RYK: variants seen among roughly 807,000 people sequenced by gnomAD.
RYK encodes the protein inactive tyrosine-protein kinase RYK.
A neutral mutation model predicts 70.2 loss-of-function variants in RYK; 21 were observed. The ratio of observed to expected loss-of-function variants is 0.30; its 90% confidence interval spans 0.21 to 0.43. The LOEUF is 0.43. RYK is among the 20% of genes least tolerant of loss of function. The probability of loss-of-function intolerance (pLI) is 1.00; values close to 1 mark genes in which losing one functional copy is unlikely to be tolerated. For missense variants in RYK, 604 were observed against 753.3 expected (o/e 0.80, Z 2.32); for synonymous variants, 267 against 278.0 (o/e 0.96, Z 0.39).
At chr3:134,168,968 T>C (rs1040380946) in intron 13 of RYK, among the ~76,000 whole-genome samples, 4 of 152,178 alleles carry the variant, frequency 2.6e-5, no homozygotes, top group Admixed American at 1.3e-4. Context: ...GAGTCATACG[T>C]AGCAATGTGC....
rs2107688429 is a variant in RYK at position 134,227,582 on chromosome 3, A to C, written c.233-5043T>G. Among the ~76,000 whole-genome samples, 2 of 152,182 alleles carry C rather than the reference A, an allele frequency of 1.3e-5. 1 individual carries two copies. The highest frequency in any genetic ancestry group is 4.1e-4 in the South Asian group (2 of 4,820). ...TAAAATGAAAATTAAAACCACAATG[A>C]GATACCACCTCATTCCTGTTAGGAC... On this transcript the variant is annotated intron_variant, in intron 1 of 14. Transcript: ENST00000623711.
chr3:134,211,639 C>T (rs933792757), intron 2 of RYK, 32 bp from the exon 3 acceptor site: 1 of 1,439,888 alleles, frequency 6.9e-7, no homozygotes. Context: ...ACAAAATGGA[C>T]CTGTGATAAC....
At chr3:134,227,837 TTTTG>T (rs1466084805) in intron 1 of RYK, among the ~76,000 whole-genome samples, 1 of 152,036 alleles carries the variant, frequency 6.6e-6, no homozygotes, top group Admixed American at 6.6e-5. Context: ...GCCCAGCTAA[TTTTG>T]TTTTTGTATT....
At chr3:134,234,498 TA>T (rs1179672838) in intron 1 of RYK, among the ~76,000 whole-genome samples, 2 of 152,004 alleles carry the variant, frequency 1.3e-5, no homozygotes, top group African/African-American at 4.8e-5. Flanking sequence ...GGGACTGAAA[TA>T]AAATTATTGG....
At chr3:134,187,708 C>T (rs181238996) in intron 9 of RYK, among the ~76,000 whole-genome samples, 1 of 151,676 alleles carries the variant, frequency 6.6e-6, no homozygotes, top group East Asian at 1.9e-4. Flanking sequence ...GTATATGCTA[C>T]CACACCCAGC....
chr3:134,226,514 T>G lies in RYK; in HGVS notation c.233-3975A>C, dbSNP rs575243635. ...TCTGATGAGGCCAGCAGCATCATATTGATACAAAAAACTTACTAAAACATA... is the reference window on the plus strand; with the variant it reads ...TCTGATGAGGCCAGCAGCATCATATGGATACAAAAAACTTACTAAAACATA... On this transcript the variant is annotated intron_variant, in intron 1 of 14. Coordinates refer to ENST00000623711, the MANE Select transcript of RYK (RefSeq NM_002958.4). Among the ~76,000 whole-genome samples the G allele has an allele frequency of 5.3e-5, 8 of 152,198 alleles. No individual in the cohort carries two copies. The South Asian group carries it at 1.7e-3, about 32-fold the overall frequency.
chr3:134,177,122 C>A (rs1047772625), intron 11 of RYK, among the ~76,000 whole-genome samples: 2 of 152,040 alleles, frequency 1.3e-5, no homozygotes, highest in Admixed American at 6.5e-5. Context: ...CTAGCTTTTT[C>A]TGCTGATGTG....
In RYK at chr3:134,222,628, A is replaced by G; in HGVS notation, c.233-89T>C. On this transcript the variant is annotated intron_variant, in intron 1 of 14. Transcript: ENST00000623711. ...TATTTCAAATACAAATAGAGTGAAG[A>G]TAATATTGATAAGCAAATGAACATC... 2.7e-6 allele frequency: 3 copies of G among 1,125,348 alleles called. No individual in the cohort carries two copies. In the Admixed American group the frequency reaches 7.1e-5, roughly 26 times the overall value. 69.7% of individuals were successfully genotyped at this position (1,125,348 alleles called of 1,614,324 possible). A position where few individuals can be genotyped will look rare whatever the true frequency, so the allele number is the denominator to read the frequency against.
Position 134,182,155 on chromosome 3 carries a change from C to CA in RYK, c.1172+846dup, listed in dbSNP as rs201391893. On this transcript the variant is annotated intron_variant, in intron 10 of 14. Transcript: ENST00000623711. Reference sequence around the variant, plus strand: ...GGGTGACAGAGCGAGACTCTGTCTCCAAAAAAAAAAAAAAGGTCTTCATAT... The same window carrying CA: ...GGGTGACAGAGCGAGACTCTGTCTCCAAAAAAAAAAAAAAAGGTCTTCATAT... Among the ~76,000 whole-genome samples the CA allele has an allele frequency of 3.4e-3, 349 of 101,666 alleles. 3 individuals are homozygous for CA. Among genetic ancestry groups the CA allele is most frequent in the South Asian group, 0.011 (41 of 3,780 alleles). 66.7% of individuals were successfully genotyped at this position (101,666 alleles called of 152,430 possible).
At position 134,178,013 on chromosome 3, in the gene RYK, C is replaced by T. The variant is rs1202666189; in HGVS notation, c.1233G>A (p.Leu411=). The T allele has an allele frequency of 6.2e-7, 1 of 1,608,596 alleles. No individual in the cohort carries two copies. Among genetic ancestry groups the T allele is most frequent in the East Asian group, 2.2e-5 (1 of 44,784 alleles). The part of the protein sequence containing the change: ...IEEGEKPMVI[L]PYMNWGNLKL... ...TAAGATTCCCCCAATTCATGTAAGG[C>T]AATATCACCATGGGCTTTTCTCCTT... The change falls in exon 11 of 15, where the codon TTG becomes TTA. Residue 411 remains leucine (L), a synonymous_variant. Coordinates refer to ENST00000623711, the MANE Select transcript of RYK (RefSeq NM_002958.4).
chr3:134,207,858 G>A (rs1228526259), intron 4 of RYK, among the ~76,000 whole-genome samples: 1 of 152,168 alleles, frequency 6.6e-6, no homozygotes, highest in African/African-American at 2.4e-5. Flanking sequence ...CACAAAACTT[G>A]TCTAACCCAT....
chr3:134,196,123 T>C (rs377327445), intron 6 of RYK, among the ~76,000 whole-genome samples: 2 of 152,312 alleles, frequency 1.3e-5, no homozygotes, highest in African/African-American at 2.4e-5. Flanking sequence ...GTTCAAATAA[T>C]TGTAAACCTT....
At chr3:134,189,488 G>A (rs985743787) in intron 8 of RYK, among the ~76,000 whole-genome samples, 5 of 152,030 alleles carry the variant, frequency 3.3e-5, no homozygotes, top group East Asian at 1.9e-4. Flanking sequence ...AAGAGGCTGC[G>A]CGCGGCTCAC....
chr3:134,191,791 T>C, intron 8 of RYK, 58 bp downstream of exon 8: 7 of 1,393,220 alleles, frequency 5.0e-6, no homozygotes, highest in Non-Finnish European at 6.8e-6. Context: ...TTGAAAAAAG[T>C]GTCTATAGTG....
At chr3:134,234,657 G>A (rs1015543203) in intron 1 of RYK, among the ~76,000 whole-genome samples, 54 of 152,090 alleles carry the variant, frequency 3.6e-4, no homozygotes, top group African/African-American at 1.3e-3. Context: ...ATAGTACTCA[G>A]AAGGCCTCAG....
At chr3:134,206,644 T>G (rs1345101411) in intron 5 of RYK, among the ~76,000 whole-genome samples, 2 of 151,344 alleles carry the variant, frequency 1.3e-5, no homozygotes, top group African/African-American at 2.4e-5. Context: ...ATTGTGGGGG[T>G]TTTTTAAAGG....
At chr3:134,200,804 T>C (rs1251801232) in intron 6 of RYK, among the ~76,000 whole-genome samples, 1 of 152,236 alleles carries the variant, frequency 6.6e-6, no homozygotes, top group African/African-American at 2.4e-5. Flanking sequence ...GAGTCCGTAC[T>C]CTTGACCACT....
chr3:134,159,618 T>G (rs1047154529), intron 13 of RYK, among the ~76,000 whole-genome samples: 1 of 152,260 alleles, frequency 6.6e-6, no homozygotes. Context: ...TAGTTTACTG[T>G]TGATTACAAG....
intron 2 of RYK, among the ~76,000 whole-genome samples, chr3:134,212,978 A>C (rs773810124): frequency 6.6e-6 from 1 of 152,220 alleles, no homozygotes; most frequent in Non-Finnish European, 1.5e-5. Flanking sequence ...TAAGTGCCAC[A>C]TTCCCAACAA....
Sources: gnomAD v4.1 joint callset for allele counts (sites outside exome capture counted in the v4.1 genomes callset) on GRCh38, gnomAD v4.1.1 for gene constraint, MANE v1.5 for transcripts, NCBI Gene and HGNC (gene_info 2026-07-23, HGNC 2026-07-21) for gene names.